The following ERC2 variants were observed in gnomAD, a reference collection of about 807,000 sequenced individuals.
The protein encoded by ERC2 is ERC protein 2.
ERC2 carries 42 observed loss-of-function variants against 114.8 expected under a neutral mutation model. That is an observed-to-expected ratio of 0.37 (90% CI 0.29 to 0.47). ERC2 has a LOEUF of 0.47. ERC2 is among the 20% of genes least tolerant of loss of function. The pLI, the probability that ERC2 is intolerant of heterozygous loss-of-function variation, is 0.99. For missense variants in ERC2, 939 were observed against 1,150.7 expected, an observed-to-expected ratio of 0.82 and a Z score of 2.66; for synonymous variants, 454 against 425.5, an observed-to-expected ratio of 1.07 and a Z score of -0.82.
intron 13 of ERC2, among the ~76,000 whole-genome samples, chr3:55,895,556 T>C (rs942188249): frequency 4.9e-4 from 74 of 152,316 alleles, no homozygotes; most frequent in Non-Finnish European, 2.2e-4. Flanking sequence ...CAGTTTTCAT[T>C]GCCTGCACCC....
chr3:56,179,823 G>A (rs1044560272), intron 3 of ERC2, among the ~76,000 whole-genome samples: 1 of 152,066 alleles, frequency 6.6e-6, no homozygotes, highest in Non-Finnish European at 1.5e-5. Flanking sequence ...TTAAGTGAAG[G>A]TGCTGAGTAG....
At chr3:55,722,366 G>T (rs895941551) in intron 15 of ERC2, among the ~76,000 whole-genome samples, 3 of 152,118 alleles carry the variant, frequency 2.0e-5, no homozygotes, top group Non-Finnish European at 2.9e-5. Flanking sequence ...GCTGCAGTTT[G>T]TCCTCACTGA....
At chr3:56,106,436 T>A (rs1402349896) in intron 6 of ERC2, among the ~76,000 whole-genome samples, 1 of 152,148 alleles carries the variant, frequency 6.6e-6, no homozygotes, top group African/African-American at 2.4e-5. Context: ...GACACAACAA[T>A]AAGTGTGTTT....
chr3:56,443,315 T>C (rs1325551084), intron 1 of ERC2, among the ~76,000 whole-genome samples: 1 of 152,206 alleles, frequency 6.6e-6, no homozygotes, highest in East Asian at 1.9e-4. Context: ...AAGGGTAATG[T>C]CTTCACCACT....
At chr3:56,427,162 A>AG (rs1418641878) in intron 2 of ERC2, among the ~76,000 whole-genome samples, 47 of 151,442 alleles carry the variant, frequency 3.1e-4, no homozygotes, top group African/African-American at 1.1e-3. Flanking sequence ...ATCCTGTCTC[A>AG]GAAAAAAAAA....
At chr3:55,934,826 G>T (rs1486621974) in intron 13 of ERC2, among the ~76,000 whole-genome samples, 2 of 152,132 alleles carry the variant, frequency 1.3e-5, no homozygotes, top group Admixed American at 6.6e-5. Context: ...TATAGAAGGA[G>T]CCATTTGAAA....
At chr3:55,558,258 C>G (rs2055759099) in intron 17 of ERC2, among the ~76,000 whole-genome samples, 1 of 152,172 alleles carries the variant, frequency 6.6e-6, no homozygotes, top group African/African-American at 2.4e-5. Context: ...TTTTGCCCAC[C>G]TCTAGCACTT....
intron 14 of ERC2, among the ~76,000 whole-genome samples, chr3:55,873,890 A>C (rs897986307): frequency 1.2e-4 from 19 of 152,314 alleles, no homozygotes; most frequent in Non-Finnish European, 2.6e-4. Context: ...GTCATTCTGC[A>C]TTCTGATGTC....
chr3:56,396,257 C>A (rs374520512), intron 2 of ERC2, among the ~76,000 whole-genome samples: 7 of 152,114 alleles, frequency 4.6e-5, no homozygotes, highest in African/African-American at 1.7e-4. Context: ...AAACTGGAAA[C>A]AAACCAGATG....
chr3:55,908,912 A>G (rs542785821), intron 13 of ERC2, among the ~76,000 whole-genome samples: 7 of 152,196 alleles, frequency 4.6e-5, no homozygotes, highest in African/African-American at 1.4e-4. Context: ...ACTGTGGGCA[A>G]TAAGTATAGA....
chr3:55,819,025 T>C (rs925272213), intron 14 of ERC2, among the ~76,000 whole-genome samples: 10 of 152,232 alleles, frequency 6.6e-5, no homozygotes, highest in African/African-American at 2.4e-4. Flanking sequence ...GGTCACTCCA[T>C]AGAAATTCAT....
chr3:56,148,959 T>C lies in ERC2; in HGVS notation c.1305+18A>G, dbSNP rs1379231260. The C allele has an allele frequency of 1.2e-6, 2 of 1,609,280 alleles. No individual in the cohort carries two copies. The highest frequency in any genetic ancestry group is 3.4e-5 in the Admixed American group (2 of 59,204). On this transcript the variant is annotated intron_variant, in intron 5 of 17. Coordinates refer to ENST00000288221, the MANE Select transcript of ERC2 (RefSeq NM_015576.3). ...TAGTCACATTAAGAACATAAAAGTT[T>C]ATAACCCTGGACCGTACCTTGGTCT...
At chr3:55,637,544 T>G (rs1358396622) in intron 17 of ERC2, among the ~76,000 whole-genome samples, 5 of 152,126 alleles carry the variant, frequency 3.3e-5, no homozygotes, top group Non-Finnish European at 7.4e-5. Flanking sequence ...TCTCCTCAAC[T>G]CTAAAACCCA....
intron 8 of ERC2, among the ~76,000 whole-genome samples, chr3:56,011,174 G>C (rs964242888): frequency 6.6e-6 from 1 of 152,234 alleles, no homozygotes; most frequent in Non-Finnish European, 1.5e-5. Context: ...GTCTGAGGAT[G>C]TTTACTTCTG....
chr3:55,989,449 G>A (rs1223620977), intron 11 of ERC2, among the ~76,000 whole-genome samples: 3 of 152,176 alleles, frequency 2.0e-5, no homozygotes, highest in Non-Finnish European at 4.4e-5. Context: ...TGCCATCTAA[G>A]CGTGAAGCAC....
intron 2 of ERC2, among the ~76,000 whole-genome samples, chr3:56,331,605 T>C (rs529836569): frequency 2.3e-4 from 35 of 152,290 alleles, no homozygotes; most frequent in African/African-American, 7.0e-4. Flanking sequence ...GAGGCTTGTA[T>C]GCACTAGGAC....
intron 10 of ERC2, among the ~76,000 whole-genome samples, chr3:55,997,906 TTGTGTGTGTGTGTGTG>T (rs1279001290): frequency 4.8e-4 from 18 of 37,604 alleles, no homozygotes; most frequent in African/African-American, 8.4e-4. Flanking sequence ...TTTTTTTTTT[TTGTGTGTGTGTGTGTG>T]TTTTTTGTTT....
rs1007845968 is a variant in ERC2 at position 55,888,523 on chromosome 3, C to G, written c.2430G>C (p.Glu810Asp). The G allele has an allele frequency of 6.2e-6, 10 of 1,613,728 alleles. No individual in the cohort carries two copies. In the African/African-American group the frequency reaches 1.3e-4, roughly 22 times the overall value. ...LQIEELMNALEKTRQELDATK... is the reference protein window; with the variant it reads ...LQIEELMNALDKTRQELDATK... The stretch of plus-strand genomic sequence containing the variant: ...TGGCATCCAGTTCCTGTCTGGTCTT[C>G]TCCAGTGCATTCATCAGTTCCTCTA... Residue 810 changes from glutamate (E) to aspartate (D), a missense_variant, in exon 14 of 18, where the codon GAG becomes GAC. Coordinates refer to ENST00000288221, the MANE Select transcript of ERC2 (RefSeq NM_015576.3).
At chr3:56,043,078 G>T (rs576294588) in intron 7 of ERC2, among the ~76,000 whole-genome samples, 1 of 152,132 alleles carries the variant, frequency 6.6e-6, no homozygotes, top group Admixed American at 6.6e-5. Context: ...GAGGATGGCA[G>T]AGCGGCCAAG....
Sources: allele counts gnomAD v4.1 joint callset (sites outside exome capture counted in the v4.1 genomes callset), GRCh38; gene constraint gnomAD v4.1.1; transcripts MANE v1.5; gene names NCBI Gene and HGNC (gene_info 2026-07-23, HGNC 2026-07-21).